Variants in TMEM135 observed in about 807,000 individuals in gnomAD.
TMEM135 encodes transmembrane protein 135, also known as peroxisomal membrane protein 52.
Under a neutral mutation model 60.3 loss-of-function variants are expected in TMEM135, and 30 were observed. The ratio of observed to expected loss-of-function variants is 0.50; its 90% CI spans 0.37 to 0.68. TMEM135 has a LOEUF of 0.68. TMEM135 is among the 30% of genes least tolerant of loss of function. The pLI is 0.00. For synonymous variants in TMEM135, 190 were observed against 186.7 expected (o/e 1.02, Z -0.14); for missense variants, 468 against 548.8 (o/e 0.85, Z 1.47).
Position 87,194,191 on chromosome 11 carries a change from TA to T in TMEM135, c.462+36794del, listed in dbSNP as rs199795178. ...AAGACAACATATTTTCTGCACAAGT[TA>T]AAAAAAAATTGGTAAATGTAGATCT... On this transcript the variant is annotated intron_variant, in intron 5 of 14. Transcript: ENST00000305494. 9.2e-5 allele frequency among the ~76,000 whole-genome samples: 14 copies of T among 151,628 alleles called. No homozygotes were observed. In the East Asian group the frequency reaches 2.1e-3, roughly 23 times the overall value.
intron 1 of TMEM135, among the ~76,000 whole-genome samples, chr11:87,047,345 A>G (rs999235155): frequency 6.6e-6 from 1 of 152,070 alleles, no homozygotes; most frequent in Non-Finnish European, 1.5e-5. Flanking sequence ...GCTCCGGTCT[A>G]CAGCTCCCAG....
intron 6 of TMEM135, among the ~76,000 whole-genome samples, chr11:87,264,286 CT>C (rs2135404293): frequency 6.7e-6 from 1 of 149,056 alleles, no homozygotes; most frequent in East Asian, 1.9e-4. Flanking sequence ...CCCAATCTCA[CT>C]TTTCTTTTCT....
At chr11:87,107,698 A>C (rs976235387) in intron 4 of TMEM135, among the ~76,000 whole-genome samples, 1 of 152,118 alleles carries the variant, frequency 6.6e-6, no homozygotes, top group African/African-American at 2.4e-5. Flanking sequence ...AGTCTTTGCT[A>C]TTGTGAATAG....
At chr11:87,239,198 A>G (rs944824083) in intron 6 of TMEM135, among the ~76,000 whole-genome samples, 2 of 152,072 alleles carry the variant, frequency 1.3e-5, no homozygotes, top group African/African-American at 4.8e-5. Flanking sequence ...ACTTTCCAGA[A>G]GGCTCAATAC....
At chr11:87,320,527 C>T (rs561092030) in intron 14 of TMEM135, among the ~76,000 whole-genome samples, 1 of 152,262 alleles carries the variant, frequency 6.6e-6, no homozygotes, top group African/African-American at 2.4e-5. Flanking sequence ...TTTCATTCAG[C>T]TGTTTTCTCC....
chr11:87,153,069 C>G (rs1938598629), intron 4 of TMEM135, among the ~76,000 whole-genome samples: 2 of 152,048 alleles, frequency 1.3e-5, no homozygotes, highest in African/African-American at 4.8e-5. Context: ...ATTTAAAATT[C>G]CGTGATGTTT....
chr11:87,251,444 A>G (rs183492256), intron 6 of TMEM135, among the ~76,000 whole-genome samples: 11 of 152,306 alleles, frequency 7.2e-5, no homozygotes, highest in Admixed American at 6.5e-4. Flanking sequence ...TAGACGAATT[A>G]CATAACTTTG....
At chr11:87,252,693 C>G (rs542022829) in intron 6 of TMEM135, among the ~76,000 whole-genome samples, 1 of 151,554 alleles carries the variant, frequency 6.6e-6, no homozygotes, top group African/African-American at 2.4e-5. Context: ...ATCGCCTGGA[C>G]CTGGGAGGTG....
intron 6 of TMEM135, among the ~76,000 whole-genome samples, chr11:87,248,495 G>T (rs974934184): frequency 3.9e-5 from 6 of 152,128 alleles, no homozygotes; most frequent in Non-Finnish European, 7.4e-5. Flanking sequence ...CCATTTGTAT[G>T]TCTTCTTTTG....
At chr11:87,255,858 G>A (rs483546) in intron 6 of TMEM135, among the ~76,000 whole-genome samples, 99,931 of 151,914 alleles carry the variant, frequency 0.66, 33,440 homozygotes, top group Non-Finnish European at 0.71. Context: ...TTTATCTAGA[G>A]TAGCCTTTTA....
At chr11:87,071,130 G>C (rs1397109542) in intron 2 of TMEM135, among the ~76,000 whole-genome samples, 1 of 152,200 alleles carries the variant, frequency 6.6e-6, no homozygotes, top group East Asian at 1.9e-4. Context: ...TTACCCATTA[G>C]TTGTTACTGT....
chr11:87,288,080 A>G (rs924137315), intron 6 of TMEM135, among the ~76,000 whole-genome samples: 1 of 152,174 alleles, frequency 6.6e-6, no homozygotes, highest in African/African-American at 2.4e-5. Context: ...AACTCATCCA[A>G]CTTCAATAGG....
At chr11:87,258,214 A>G (rs1941569851) in intron 6 of TMEM135, among the ~76,000 whole-genome samples, 1 of 145,048 alleles carries the variant, frequency 6.9e-6, no homozygotes. Context: ...TTCAGTTGGA[A>G]TCACTTTTAA....
chr11:87,280,437 G>A (rs1457877783), intron 6 of TMEM135, among the ~76,000 whole-genome samples: 1 of 152,110 alleles, frequency 6.6e-6, no homozygotes, highest in African/African-American at 2.4e-5. Context: ...TGGTTTCCAT[G>A]TCTCTGTGTT....
chr11:87,236,946 A>G (rs1055572279), intron 6 of TMEM135, among the ~76,000 whole-genome samples: 1 of 151,942 alleles, frequency 6.6e-6, no homozygotes, highest in Non-Finnish European at 1.5e-5. Context: ...ATGTCAATTA[A>G]TAGGACTCAA....
At chr11:87,191,053 G>A (rs1321737488) in intron 5 of TMEM135, among the ~76,000 whole-genome samples, 13 of 151,922 alleles carry the variant, frequency 8.6e-5, no homozygotes, top group Non-Finnish European at 1.6e-4. Flanking sequence ...TCACATAGCC[G>A]TTGACACAAA....
At chr11:87,107,218 T>C (rs1173539053) in intron 4 of TMEM135, among the ~76,000 whole-genome samples, 2 of 152,186 alleles carry the variant, frequency 1.3e-5, no homozygotes, top group Non-Finnish European at 2.9e-5. Context: ...TGTCTAATAA[T>C]TTATCCATTT....
At chr11:87,066,918 C>G (rs1319654205) in intron 1 of TMEM135, among the ~76,000 whole-genome samples, 1 of 150,656 alleles carries the variant, frequency 6.6e-6, no homozygotes, top group East Asian at 2.0e-4. Context: ...GTAGCTGGGA[C>G]TACAGGCGCC....
chr11:87,163,955 T>C (rs1184708149), intron 5 of TMEM135, among the ~76,000 whole-genome samples: 3 of 148,830 alleles, frequency 2.0e-5, no homozygotes, highest in African/African-American at 7.5e-5. Flanking sequence ...GTCAGATGAG[T>C]AGGTTGCGAA....
Sources: gnomAD v4.1 joint callset for allele counts (sites outside exome capture counted in the v4.1 genomes callset) on GRCh38, gnomAD v4.1.1 for gene constraint, MANE v1.5 for transcripts, NCBI Gene and HGNC (gene_info 2026-07-23, HGNC 2026-07-21) for gene names.